RPL28: variants seen among roughly 807,000 people sequenced by gnomAD.
The protein encoded by RPL28 is ribosomal protein L28, also known as large ribosomal subunit protein eL28.
Under a neutral mutation model 12.5 loss-of-function variants are expected in RPL28, and 4 were observed. That is an observed-to-expected ratio of 0.32 (90% CI 0.16 to 0.73). The LOEUF (loss-of-function observed/expected upper bound fraction) is 0.73, where lower values mean the gene tolerates loss of function less well. Ranked by LOEUF, RPL28 falls within the 30% of genes least tolerant of loss-of-function variation. The pLI is 0.66. For missense variants in RPL28, 214 were observed against 197.7 expected (o/e 1.08, Z -0.49); for synonymous variants, 91 against 72.5 (o/e 1.26, Z -1.30).
intron 4 of RPL28, chr19:55,402,922 G>C (rs1429068856): frequency 6.6e-7 from 1 of 1,524,738 alleles, no homozygotes; most frequent in Non-Finnish European, 8.8e-7. Flanking sequence ...TAGAAATTTG[G>C]TTAACTTTTT....
downstream of RPL28, among the ~76,000 whole-genome samples, chr19:55,394,248 C>T (rs79821011): frequency 1.1e-4 from 16 of 152,200 alleles, no homozygotes; most frequent in South Asian, 6.2e-4. Flanking sequence ...TGTGACAGAG[C>T]GAGACTCCGT....
intron 4 of RPL28, among the ~76,000 whole-genome samples, chr19:55,399,134 A>C (rs1019241356): frequency 1.3e-5 from 2 of 151,688 alleles, no homozygotes; most frequent in South Asian, 4.2e-4. Context: ...TTACAGGCGC[A>C]CACTACCATG....
rs903403617 is a variant in RPL28 at position 55,391,989 on chromosome 19, A to G, written c.*3657A>G. The G allele has an allele frequency of 3.5e-6, 4 of 1,145,120 alleles. No homozygotes were observed. Among genetic ancestry groups the G allele is most frequent in the Non-Finnish European group, 4.3e-6 (4 of 930,458 alleles). The allele number at this position is 1,145,120 out of a possible 1,614,324, so 70.9% of individuals were successfully genotyped here. A position where few individuals can be genotyped will look rare whatever the true frequency, so the allele number is the denominator to read the frequency against. On this transcript the variant is annotated 3_prime_UTR_variant, in exon 5 of 5. Transcript: ENST00000344063. ...TGAATATCATTCTGTCCTCAGCTGC[A>G]TTTCCAGCCCAGGCTGTTTGGCGCT...
At chr19:55,402,898 C>T (rs2090071244) in intron 4 of RPL28, 2 of 1,493,796 alleles carry the variant, frequency 1.3e-6, no homozygotes, top group Non-Finnish European at 1.8e-6. Flanking sequence ...CTGCCATGTG[C>T]CCCAGGGACT....
Position 55,389,534 on chromosome 19 carries a change from C to T in RPL28, c.*1202C>T. 1.0e-6 allele frequency: 1 copy of T among 985,480 alleles called. No homozygotes were observed. The highest frequency in any genetic ancestry group is 1.2e-6 in the Non-Finnish European group (1 of 829,966). 61.0% of individuals were successfully genotyped at this position (985,480 alleles called of 1,614,324 possible). A position where few individuals can be genotyped will look rare whatever the true frequency, so the allele number is the denominator to read the frequency against. On this transcript the variant is annotated 3_prime_UTR_variant, in exon 5 of 5. Transcript: ENST00000344063. ...GCTCCCTGTCTGAGACCACCCCCGGCTCTGACTGAGAGTAAGGGGACTGTC... is the reference window on the plus strand; with the variant it reads ...GCTCCCTGTCTGAGACCACCCCCGGTTCTGACTGAGAGTAAGGGGACTGTC...
At position 55,389,663 on chromosome 19, in the gene RPL28, G is replaced by T. The variant is rs1354076210; in HGVS notation, c.*1331G>T. 1.0e-6 allele frequency: 1 copy of T among 985,554 alleles called. No homozygotes were observed. Among genetic ancestry groups the T allele is most frequent in the African/African-American group, 1.7e-5 (1 of 57,358 alleles). The allele number at this position is 985,554 out of a possible 1,614,324, so 61.1% of individuals were successfully genotyped here. A position where few individuals can be genotyped will look rare whatever the true frequency, so the allele number is the denominator to read the frequency against. On this transcript the variant is annotated 3_prime_UTR_variant, in exon 5 of 5. Transcript: ENST00000344063. ...CCTCAGTCCTGTCTGCTCCAGTCTT[G>T]CCCAGCTCGAAGGAGAGCAGATCTG... is the stretch of plus-strand genomic sequence containing the variant.
downstream of RPL28, among the ~76,000 whole-genome samples, chr19:55,396,849 G>A (rs1466181629): frequency 6.6e-6 from 1 of 151,548 alleles, no homozygotes; most frequent in Non-Finnish European, 1.5e-5. Context: ...CAAAGTGCTG[G>A]GATTACAGGT....
downstream of RPL28, chr19:55,403,262 TTTACGGCATGTAAG>T (rs1277945465): frequency 1.7e-6 from 1 of 575,218 alleles, no homozygotes; most frequent in Non-Finnish European, 3.1e-6. Context: ...GGAACTGAGT[TTTACGGCATGTAAG>T]CTCAGCTTTA....
chr19:55,401,658 A>G (rs2090059827), intron 4 of RPL28: 1 of 1,610,086 alleles, frequency 6.2e-7, no homozygotes, highest in Non-Finnish European at 8.5e-7. Flanking sequence ...CTGTGAGCAG[A>G]CGGGCCCGAG....
chr19:55,402,763 A>G (rs1239244006), intron 4 of RPL28, among the ~76,000 whole-genome samples: 2 of 152,150 alleles, frequency 1.3e-5, no homozygotes, highest in African/African-American at 2.4e-5. Flanking sequence ...TGTCCCCAGC[A>G]GCCTCCAATG....
In RPL28 at chr19:55,389,678, G is replaced by A. The variant is rs2123284328; in HGVS notation, c.*1346G>A. 1 of 985,562 alleles carries A rather than the reference G, an allele frequency of 1.0e-6. No homozygotes were observed. The highest frequency in any genetic ancestry group is 4.7e-5 in the South Asian group (1 of 21,290). The allele number at this position is 985,562 out of a possible 1,614,324, so 61.1% of individuals were successfully genotyped here. On this transcript the variant is annotated 3_prime_UTR_variant, in exon 5 of 5. Coordinates refer to ENST00000344063, the MANE Select transcript of RPL28 (RefSeq NM_000991.5). ...CTCCAGTCTTGCCCAGCTCGAAGGA[G>A]AGCAGATCTGACCACTTGCCAGCCC... is the stretch of plus-strand genomic sequence containing the variant.
At position 55,402,949 on chromosome 19, in the gene RPL28, G is replaced by A. The variant is rs560637267; in HGVS notation, c.331G>A (p.Gly111Arg). Reference sequence around the variant, plus strand: ...TAACTTTTTTTTTTTTCAGCTTGCGGGAAGGGTTGGGAGGCAGCAGGCTGT... The same window carrying A: ...TAACTTTTTTTTTTTTCAGCTTGCGAGAAGGGTTGGGAGGCAGCAGGCTGT... Residue 111 changes from glycine to arginine, a missense_variant, in exon 5 of 5, where the codon GGA (glycine) becomes AGA (arginine). Transcript: ENST00000560055. 24 of 1,523,430 alleles carry A rather than the reference G, an allele frequency of 1.6e-5. No homozygotes were observed. The African/African-American group carries it at 2.5e-4, about 16-fold the overall frequency. The allele number at this position is 1,523,430 out of a possible 1,614,324, so 94.4% of individuals were successfully genotyped here.
downstream of RPL28, among the ~76,000 whole-genome samples, chr19:55,396,475 T>C (rs866322368): frequency 5.3e-3 from 63 of 11,790 alleles, 3 homozygotes; most frequent in African/African-American, 0.075. Context: ...TTAGGAAAGT[T>C]CTCCCCCCTC....
chr19:55,390,217 T>C lies in RPL28; in HGVS notation c.*1885T>C, dbSNP rs959789657. 1 of 984,584 alleles carries C rather than the reference T, an allele frequency of 1.0e-6. No individual in the cohort carries two copies. The highest frequency in any genetic ancestry group is 1.1e-4 in the East Asian group (1 of 8,830). 61.0% of individuals were successfully genotyped at this position (984,584 alleles called of 1,614,324 possible). On this transcript the variant is annotated 3_prime_UTR_variant, in exon 5 of 5. Coordinates refer to ENST00000344063, the MANE Select transcript of RPL28 (RefSeq NM_000991.5). ...CTGAGAGTTTGCTCACTGGAGACTT[T>C]CTGGAGATGGAGTCTCGCTCTGTTG...
downstream of RPL28, among the ~76,000 whole-genome samples, chr19:55,395,801 G>C (rs1600312119): frequency 6.6e-6 from 1 of 152,082 alleles, no homozygotes; most frequent in Admixed American, 6.6e-5. Context: ...TTTCATTCTT[G>C]TATCTGGGAC....
chr19:55,397,948 C>T (rs940488714), intron 4 of RPL28, among the ~76,000 whole-genome samples: 2 of 152,102 alleles, frequency 1.3e-5, no homozygotes, highest in African/African-American at 4.8e-5. Context: ...GTAATCCCAG[C>T]ACTTTGGGAG....
At chr19:55,387,652 C>G (rs574009757) in intron 3 of RPL28, 105 of 1,388,654 alleles carry the variant, frequency 7.6e-5, no homozygotes, top group Admixed American at 3.6e-4. Flanking sequence ...CAGATCCTAA[C>G]TGAAGCGGCA....
In RPL28 at chr19:55,387,987, C is replaced by T. The variant is rs1569040889; in HGVS notation, c.263C>T (p.Ala88Val). Residue 88 changes from alanine to valine, a missense_variant, in exon 4 of 5, where the codon GCC (alanine) becomes GTC (valine). Coordinates refer to ENST00000344063, the MANE Select transcript of RPL28 (RefSeq NM_000991.5). Reference sequence around the variant, plus strand: ...ACCACCATCAACAAGAATGCTCGCGCCACGCTCAGCAGCATCAGACACATG... The same window carrying T: ...ACCACCATCAACAAGAATGCTCGCGTCACGCTCAGCAGCATCAGACACATG... ...VRTTINKNARATLSSIRHMIR... is the reference protein window; with the variant it reads ...VRTTINKNARVTLSSIRHMIR... 9.9e-6 allele frequency: 16 copies of T among 1,611,250 alleles called. No homozygotes were observed. The highest frequency in any genetic ancestry group is 2.2e-5 in the South Asian group (2 of 90,780).
chr19:55,397,138 C>G (rs1212658619), intron 4 of RPL28, among the ~76,000 whole-genome samples: 1 of 152,212 alleles, frequency 6.6e-6, no homozygotes, highest in Non-Finnish European at 1.5e-5. Context: ...CCTCAGCCTC[C>G]CAAAGTGTTA....
Sources: allele counts gnomAD v4.1 joint callset (sites outside exome capture counted in the v4.1 genomes callset), GRCh38; gene constraint gnomAD v4.1.1; transcripts MANE v1.5; gene names NCBI Gene and HGNC (gene_info 2026-07-23, HGNC 2026-07-21).